Variants in ATG4C observed in about 807,000 individuals in gnomAD.
ATG4C encodes cysteine protease ATG4C.
A neutral mutation model predicts 57.6 loss-of-function variants in ATG4C; 56 were observed. The observed-to-expected ratio is 0.97, with a 90% CI of 0.78 to 1.21. ATG4C has a LOEUF of 1.21. Ranked by LOEUF, ATG4C falls within the 50% of genes most tolerant of loss-of-function variation. The probability of loss-of-function intolerance (pLI) is 0.00; values close to 1 mark genes in which losing one functional copy is unlikely to be tolerated. For missense variants in ATG4C, 595 were observed against 529.8 expected (o/e 1.12, Z -1.21); for synonymous variants, 157 against 174.1 (o/e 0.90, Z 0.78).
intron 1 of ATG4C, among the ~76,000 whole-genome samples, chr1:62,797,690 G>T (rs1386419846): frequency 6.6e-6 from 1 of 151,696 alleles, no homozygotes; most frequent in Non-Finnish European, 1.5e-5. Flanking sequence ...AATTGGTATT[G>T]AACTTTTTTC....
At chr1:62,830,436 T>C (rs1291040541) in intron 7 of ATG4C, among the ~76,000 whole-genome samples, 3 of 152,164 alleles carry the variant, frequency 2.0e-5, no homozygotes, top group Admixed American at 2.0e-4. Flanking sequence ...GATGCAGTCT[T>C]GGAACTGATT....
chr1:62,845,558 T>C (rs1666302075), intron 10 of ATG4C, among the ~76,000 whole-genome samples: 1 of 152,150 alleles, frequency 6.6e-6, no homozygotes, highest in Non-Finnish European at 1.5e-5. Context: ...AATTTTAATA[T>C]AGTCAAATTA....
Position 62,803,724 on chromosome 1 carries a change from A to G in ATG4C, c.-63A>G, listed in dbSNP as rs1249360109. 5.1e-6 allele frequency: 6 copies of G among 1,175,660 alleles called. No individual in the cohort carries two copies. Among genetic ancestry groups the G allele is most frequent in the Admixed American group, 4.6e-5 (2 of 43,488 alleles). The allele number at this position is 1,175,660 out of a possible 1,614,324, so 72.8% of individuals were successfully genotyped here. ...TTTTTCCTTAATTTTTAAAGTCAGT[A>G]TAAAAGATTAAACTCTACAGAAGAA... On this transcript the variant is annotated 5_prime_UTR_variant, in exon 2 of 11. Coordinates refer to ENST00000317868, the MANE Select transcript of ATG4C (RefSeq NM_032852.4).
At chr1:62,858,990 G>T (rs191040151) in intron 10 of ATG4C, among the ~76,000 whole-genome samples, 9 of 152,240 alleles carry the variant, frequency 5.9e-5, no homozygotes, top group Admixed American at 4.6e-4. Context: ...TAAATGTGTT[G>T]TTAGGTGATT....
chr1:62,793,184 C>G (rs1664342329), intron 1 of ATG4C, among the ~76,000 whole-genome samples: 2 of 151,982 alleles, frequency 1.3e-5, no homozygotes, highest in Non-Finnish European at 2.9e-5. Flanking sequence ...CCGCGCCCGG[C>G]CATGATTTTT....
At chr1:62,794,499 T>G (rs1459229630) in intron 1 of ATG4C, among the ~76,000 whole-genome samples, 1 of 152,096 alleles carries the variant, frequency 6.6e-6, no homozygotes, top group Non-Finnish European at 1.5e-5. Flanking sequence ...ATCTTATTAG[T>G]CTCTCTGCTA....
At chr1:62,850,343 A>T (rs551934571) in intron 10 of ATG4C, among the ~76,000 whole-genome samples, 3 of 152,024 alleles carry the variant, frequency 2.0e-5, no homozygotes, top group South Asian at 4.2e-4. Context: ...TCCCTAACTG[A>T]TCTCCCTTGC....
chr1:62,822,572 G>T (rs1445956554), intron 6 of ATG4C, among the ~76,000 whole-genome samples: 1 of 152,030 alleles, frequency 6.6e-6, no homozygotes, highest in African/African-American at 2.4e-5. Context: ...TTATAGAAAT[G>T]GTTTGTGTAA....
chr1:62,844,654 A>C (rs1666274495), intron 10 of ATG4C, among the ~76,000 whole-genome samples: 1 of 152,092 alleles, frequency 6.6e-6, no homozygotes, highest in Non-Finnish European at 1.5e-5. Context: ...ACTGAGCTTA[A>C]GAAAGTTATA....
chr1:62,822,658 T>A (rs958214149), intron 6 of ATG4C, among the ~76,000 whole-genome samples: 2 of 152,240 alleles, frequency 1.3e-5, no homozygotes, highest in African/African-American at 4.8e-5. Context: ...GTATAATTTT[T>A]ATAGACTATG....
At chr1:62,805,119 C>G in intron 2 of ATG4C, 53 bp from the exon 3 acceptor site, 1 of 1,481,564 alleles carries the variant, frequency 6.7e-7, no homozygotes, top group Non-Finnish European at 8.9e-7. Context: ...GACTTTTAGT[C>G]TGAAATCTTT....
chr1:62,784,775 C>A (rs1254420664), intron 1 of ATG4C, among the ~76,000 whole-genome samples: 1 of 152,142 alleles, frequency 6.6e-6, no homozygotes, highest in Admixed American at 6.5e-5. Flanking sequence ...TAATGCCTTT[C>A]CATCTAAATA....
At chr1:62,834,549 A>G (rs1176883190) in intron 8 of ATG4C, among the ~76,000 whole-genome samples, 1 of 152,098 alleles carries the variant, frequency 6.6e-6, no homozygotes, top group East Asian at 1.9e-4. Context: ...ATCACCAAAA[A>G]TTAAATGACA....
chr1:62,834,187 C>T, intron 8 of ATG4C, 71 bp downstream of exon 8: 1 of 1,413,702 alleles, frequency 7.1e-7, no homozygotes, highest in Non-Finnish European at 9.9e-7. Flanking sequence ...ATGAGATCAT[C>T]TGGAAACAGG....
chr1:62,793,849 T>A (rs1332462560), intron 1 of ATG4C, among the ~76,000 whole-genome samples: 1 of 151,210 alleles, frequency 6.6e-6, no homozygotes, highest in Non-Finnish European at 1.5e-5. Context: ...AGTCTCTATA[T>A]TAACTTACGG....
At chr1:62,840,568 A>T (rs1192917731) in intron 9 of ATG4C, among the ~76,000 whole-genome samples, 1 of 152,214 alleles carries the variant, frequency 6.6e-6, no homozygotes, top group Non-Finnish European at 1.5e-5. Flanking sequence ...CATTAAAAAA[A>T]TTTTTAAACA....
At chr1:62,845,949 G>A (rs1666315081) in intron 10 of ATG4C, among the ~76,000 whole-genome samples, 1 of 152,232 alleles carries the variant, frequency 6.6e-6, no homozygotes, top group Non-Finnish European at 1.5e-5. Flanking sequence ...TGATCCTCCT[G>A]TGTCAGCCTC....
At chr1:62,824,916 G>A (rs1243673658) in intron 6 of ATG4C, among the ~76,000 whole-genome samples, 3 of 152,054 alleles carry the variant, frequency 2.0e-5, no homozygotes, top group Non-Finnish European at 1.5e-5. Context: ...TGATCCTCCT[G>A]CCGCAGCCTC....
chr1:62,791,739 C>T (rs1384437859), intron 1 of ATG4C, among the ~76,000 whole-genome samples: 1 of 152,208 alleles, frequency 6.6e-6, no homozygotes, highest in Non-Finnish European at 1.5e-5. Flanking sequence ...CCAGTCATCT[C>T]TTAAAGGCAC....
Sources: gnomAD v4.1 joint callset for allele counts (sites outside exome capture counted in the v4.1 genomes callset) on GRCh38, gnomAD v4.1.1 for gene constraint, MANE v1.5 for transcripts, NCBI Gene and HGNC (gene_info 2026-07-23, HGNC 2026-07-21) for gene names.